The following ACMSD variants were observed in gnomAD, a reference collection of about 807,000 sequenced individuals.
The protein encoded by ACMSD is 2-amino-3-carboxymuconate-6-semialdehyde decarboxylase.
A neutral mutation model predicts 45.9 loss-of-function variants in ACMSD; 37 were observed. That is an observed-to-expected ratio of 0.81 (90% CI 0.62 to 1.06). The LOEUF is 1.06. Among genes scored for constraint, ACMSD ranks in the 50% least tolerant of loss-of-function variants. The pLI is 0.00. For missense variants in ACMSD, 434 were observed against 420.9 expected (o/e 1.03, Z -0.27); for synonymous variants, 138 against 148.8 (o/e 0.93, Z 0.53).
intron 3 of ACMSD, among the ~76,000 whole-genome samples, chr2:134,860,856 CAAAAA>C (rs60233157): frequency 3.2e-3 from 231 of 72,462 alleles, no homozygotes; most frequent in South Asian, 0.014. Context: ...CCTGTCTCCA[CAAAAA>C]AAAAAAAAAA....
At position 134,871,058 on chromosome 2, in the gene ACMSD, G is replaced by A. The variant is rs755257201; in HGVS notation, c.674G>A (p.Gly225Asp). Residue 225 changes from glycine (G) to aspartate (D), a missense_variant and splice_region_variant, in exon 7 of 10, where the codon GGT becomes GAT. Transcript: ENST00000356140. The part of the protein sequence containing the change: ...FPKLKVCFAH[G>D]GGAFPFTVGR... ...AAACTGAAAGTGTGTTTCGCACATG[G>A]TGGTAAGACCCTATCTTTATTAGTC... 5 of 1,613,558 alleles carry A rather than the reference G, an allele frequency of 3.1e-6. No homozygotes were observed. Among genetic ancestry groups the A allele is most frequent in the South Asian group, 2.2e-5 (2 of 91,006 alleles).
chr2:134,845,994 C>T (rs1687036663), intron 2 of ACMSD, among the ~76,000 whole-genome samples: 1 of 152,080 alleles, frequency 6.6e-6, no homozygotes, highest in African/African-American at 2.4e-5. Context: ...GCAGAGTTAA[C>T]CCAATGCAGC....
intron 8 of ACMSD, among the ~76,000 whole-genome samples, chr2:134,886,637 C>G (rs1689477455): frequency 6.6e-6 from 1 of 152,112 alleles, no homozygotes; most frequent in Non-Finnish European, 1.5e-5. Context: ...AAAATCATAG[C>G]TATCCCCATA....
intron 2 of ACMSD, among the ~76,000 whole-genome samples, chr2:134,847,010 G>A (rs1687081850): frequency 6.6e-6 from 1 of 152,164 alleles, no homozygotes; most frequent in African/African-American, 2.4e-5. Flanking sequence ...GAGTTGATGT[G>A]TTCAAGGAAC....
chr2:134,863,631 G>C lies in ACMSD; in HGVS notation c.486G>C (p.Ala162=). Residue 162 remains alanine (A), a splice_region_variant and synonymous_variant, in exon 5 of 10, where the codon GCG becomes GCC. Transcript: ENST00000356140. ...LNAQELFPVY[A]AAERLKCSLF... is the part of the protein sequence containing the mutation. ...CGCAGGAGCTCTTTCCTGTCTATGC[G>C]GTGAGTAGCGGGGCTGCTCAGCCAA... 6.2e-7 allele frequency: 1 copy of C among 1,613,808 alleles called. No homozygotes were observed. The highest frequency in any genetic ancestry group is 1.3e-5 in the African/African-American group (1 of 75,066).
At chr2:134,895,467 C>A (rs1690085577) in intron 8 of ACMSD, among the ~76,000 whole-genome samples, 1 of 151,216 alleles carries the variant, frequency 6.6e-6, no homozygotes, top group African/African-American at 2.4e-5. Flanking sequence ...ACTGGCAATA[C>A]CCCCCAAATT....
intron 8 of ACMSD, among the ~76,000 whole-genome samples, chr2:134,885,852 C>T (rs1689409376): frequency 6.6e-6 from 1 of 152,016 alleles, no homozygotes; most frequent in African/African-American, 2.4e-5. Flanking sequence ...TAGAAAATTG[C>T]TCAAGTATTT....
intron 8 of ACMSD, among the ~76,000 whole-genome samples, chr2:134,883,043 A>C (rs1232474601): frequency 6.6e-6 from 1 of 152,220 alleles, no homozygotes; most frequent in Non-Finnish European, 1.5e-5. Context: ...CTAATAAGGA[A>C]AGCCAGCACC....
At chr2:134,844,664 G>C (rs1040503786) in intron 1 of ACMSD, among the ~76,000 whole-genome samples, 7 of 152,214 alleles carry the variant, frequency 4.6e-5, no homozygotes, top group African/African-American at 1.7e-4. Flanking sequence ...GCAGGTTCCA[G>C]GAGAAAGCCC....
chr2:134,868,502 G>C (rs1688246034), intron 6 of ACMSD, among the ~76,000 whole-genome samples: 1 of 147,536 alleles, frequency 6.8e-6, no homozygotes, highest in Admixed American at 6.9e-5. Context: ...GCCCAGACTG[G>C]AGTACAGTGG....
intron 8 of ACMSD, among the ~76,000 whole-genome samples, chr2:134,891,353 G>A (rs1437687630): frequency 2.0e-5 from 3 of 151,906 alleles, no homozygotes; most frequent in African/African-American, 7.3e-5. Flanking sequence ...TTTTGTATGT[G>A]GCAATCCAAT....
chr2:134,841,278 C>T (rs776624693), intron 1 of ACMSD, among the ~76,000 whole-genome samples: 4 of 152,118 alleles, frequency 2.6e-5, no homozygotes, highest in African/African-American at 9.7e-5. Flanking sequence ...GAGAGGCCAC[C>T]GTGGTCCCTC....
chr2:134,897,425 T>C (rs1690220816), intron 8 of ACMSD, among the ~76,000 whole-genome samples: 1 of 151,680 alleles, frequency 6.6e-6, no homozygotes, highest in East Asian at 2.1e-4. Context: ...TAAGTATTCT[T>C]TATTCTTTTC....
At chr2:134,860,800 C>T (rs1215059280) in intron 3 of ACMSD, among the ~76,000 whole-genome samples, 2 of 146,224 alleles carry the variant, frequency 1.4e-5, no homozygotes, top group African/African-American at 2.6e-5. Flanking sequence ...CAGGAGGATC[C>T]CTTGAGCCCA....
chr2:134,871,335 A>G (rs1688424858), intron 7 of ACMSD, among the ~76,000 whole-genome samples: 1 of 152,004 alleles, frequency 6.6e-6, no homozygotes, highest in African/African-American at 2.4e-5. Flanking sequence ...ACCTCATGTA[A>G]CCTTAATTAT....
At chr2:134,866,303 AAAAAG>A (rs1200624347) in intron 5 of ACMSD, among the ~76,000 whole-genome samples, 23 of 152,332 alleles carry the variant, frequency 1.5e-4, no homozygotes, top group African/African-American at 5.5e-4. Context: ...GAAAAATTTT[AAAAAG>A]AAAAGAACCA....
At chr2:134,895,299 T>G (rs1282266926) in intron 8 of ACMSD, among the ~76,000 whole-genome samples, 2 of 138,726 alleles carry the variant, frequency 1.4e-5, no homozygotes, top group African/African-American at 6.1e-5. Context: ...TGAGACTGCA[T>G]CTCAAAAAAG....
chr2:134,872,858 A>T, intron 8 of ACMSD: 1 of 527,270 alleles, frequency 1.9e-6, no homozygotes, highest in Non-Finnish European at 3.4e-6. Flanking sequence ...AAACTATTAT[A>T]TATGCCAGAG....
At position 134,852,810 on chromosome 2, in the gene ACMSD, G is replaced by A. The variant is rs900216115; in HGVS notation, c.103-6451G>A. Among the ~76,000 whole-genome samples the A allele has an allele frequency of 6.4e-4, 98 of 152,118 alleles. 1 individual carries two copies. The highest frequency in any genetic ancestry group is 2.6e-4 in the Non-Finnish European group (18 of 68,024). On this transcript the variant is annotated intron_variant, in intron 2 of 9. Coordinates refer to ENST00000356140, the MANE Select transcript of ACMSD (RefSeq NM_138326.3). ...CTGGTGTGGTCTGGAGGGATTGCTCGAGTGGGCACTAGGGGGATGGGGAGG... is the reference window on the plus strand; with the variant it reads ...CTGGTGTGGTCTGGAGGGATTGCTCAAGTGGGCACTAGGGGGATGGGGAGG...
Sources: allele counts gnomAD v4.1 joint callset (sites outside exome capture counted in the v4.1 genomes callset), GRCh38; gene constraint gnomAD v4.1.1; transcripts MANE v1.5; gene names NCBI Gene and HGNC (gene_info 2026-07-23, HGNC 2026-07-21).